SLC47A1: variants seen among roughly 807,000 people sequenced by gnomAD.
SLC47A1 encodes multidrug and toxin extrusion protein 1.
In SLC47A1, 58 loss-of-function variants were observed where a neutral mutation model predicts 65.8. That is an observed-to-expected ratio of 0.88 (90% CI 0.71 to 1.10). SLC47A1 has a LOEUF of 1.10. Ranked by LOEUF, SLC47A1 falls within the 50% of genes least tolerant of loss-of-function variation. The probability of loss-of-function intolerance (pLI) is 0.00; values close to 1 mark genes in which losing one functional copy is unlikely to be tolerated. For synonymous variants in SLC47A1, 285 were observed against 295.0 expected, an observed-to-expected ratio of 0.97 and a Z score of 0.35; for missense variants, 706 against 719.2, an observed-to-expected ratio of 0.98 and a Z score of 0.21.
In SLC47A1 at chr17:19,567,234, C is replaced by T. The variant is rs1281059703; in HGVS notation, c.1309+6C>T. On this transcript the variant is annotated splice_donor_region_variant and intron_variant, in intron 14 of 16. Coordinates refer to ENST00000270570, the MANE Select transcript of SLC47A1 (RefSeq NM_018242.3). The stretch of plus-strand genomic sequence containing the variant: ...AACCACACTTGGAGTGATGGGTAAG[C>T]TCTAACCTCTGCAGGCAGGGCTTAG... 1 of 1,614,178 alleles carries T rather than the reference C, an allele frequency of 6.2e-7. No homozygotes were observed. The highest frequency in any genetic ancestry group is 1.7e-5 in the Admixed American group (1 of 60,024).
chr17:19,566,769 C>T (rs377683989), intron 12 of SLC47A1, 21 bp from the exon 13 acceptor site: 68 of 1,612,314 alleles, frequency 4.2e-5, no homozygotes, highest in Middle Eastern at 3.3e-4. Flanking sequence ...CTAATCACCA[C>T]GTGCTTTATT....
intron 1 of SLC47A1, among the ~76,000 whole-genome samples, chr17:19,540,031 G>A (rs999548711): frequency 2.6e-5 from 4 of 152,078 alleles, no homozygotes; most frequent in African/African-American, 9.7e-5. Flanking sequence ...GCAGAGCTGC[G>A]GCAGCTCTCA....
chr17:19,574,712 A>G (rs2084425313), intron 16 of SLC47A1, among the ~76,000 whole-genome samples: 1 of 150,238 alleles, frequency 6.7e-6, no homozygotes, highest in African/African-American at 2.4e-5. Flanking sequence ...TGCAACCTCT[A>G]TCTCCCAGGT....
rs763533798 is a variant in SLC47A1, at chr17:19,577,481, G to A, written c.1641G>A (p.Gly547=). The change falls in exon 17 of 17, where the codon GGG becomes GGA. Residue 547 remains glycine, a synonymous_variant. Coordinates refer to ENST00000270570, the MANE Select transcript of SLC47A1 (RefSeq NM_018242.3). ...GGAAACAGCTGGTGCTGCGGCGAGGGCTTCTGCTCCTGGGGGTCTTCTTAA... is the reference window on the plus strand; with the variant it reads ...GGAAACAGCTGGTGCTGCGGCGAGGACTTCTGCTCCTGGGGGTCTTCTTAA... ...LSRKQLVLRR[G]LLLLGVFLIL... is the part of the protein sequence containing the mutation. 1.2e-6 allele frequency: 2 copies of A among 1,614,134 alleles called. No homozygotes were observed. The highest frequency in any genetic ancestry group is 2.2e-5 in the South Asian group (2 of 91,090).
In SLC47A1 at chr17:19,577,611, G is replaced by A; in HGVS notation, c.*58G>A. On this transcript the variant is annotated 3_prime_UTR_variant, in exon 17 of 17. Coordinates refer to ENST00000270570, the MANE Select transcript of SLC47A1 (RefSeq NM_018242.3). ...CTTTTGAGCTTACACACAATTCACA[G>A]GCCCACCAGTGACAATTTACTGTGA... is the stretch of plus-strand genomic sequence containing the variant. 1.2e-6 allele frequency: 2 copies of A among 1,601,834 alleles called. No homozygotes were observed. Among genetic ancestry groups the A allele is most frequent in the African/African-American group, 1.3e-5 (1 of 74,666 alleles).
In SLC47A1 at chr17:19,555,777, G is replaced by C. The variant is rs368040325; in HGVS notation, c.740-19G>C. ...CCCGATGGCCAGATCTCCTGGAAAT[G>C]TGTGTGTCCCCCCCACAGGCTGGTC... is the stretch of plus-strand genomic sequence containing the variant. On this transcript the variant is annotated intron_variant, in intron 8 of 16. Transcript: ENST00000270570. 6.2e-7 allele frequency: 1 copy of C among 1,613,370 alleles called. No homozygotes were observed. The highest frequency in any genetic ancestry group is 1.1e-5 in the South Asian group (1 of 91,078).
At chr17:19,561,140 C>T (rs758879101) in intron 12 of SLC47A1, among the ~76,000 whole-genome samples, 1 of 151,790 alleles carries the variant, frequency 6.6e-6, no homozygotes, top group Non-Finnish European at 1.5e-5. Context: ...CGCCTGTAAT[C>T]CCAGCTACTC....
intron 3 of SLC47A1, among the ~76,000 whole-genome samples, chr17:19,547,347 C>CTTTT (rs34710264): frequency 1.7e-5 from 2 of 115,066 alleles, no homozygotes; most frequent in African/African-American, 3.3e-5. Context: ...CCCAGCCTGG[C>CTTTT]TTTTTTTTTT....
chr17:19,557,659 G>A (rs1054715), intron 10 of SLC47A1: 106,013 of 515,780 alleles, frequency 0.21, 11,639 homozygotes, highest in East Asian at 0.43. Context: ...TCAGTTACCC[G>A]TAGATGTAGT....
In SLC47A1 at chr17:19,533,888, C is replaced by T; in HGVS notation, c.-52C>T. The T allele has an allele frequency of 3.5e-6, 5 of 1,430,600 alleles. No homozygotes were observed. Among genetic ancestry groups the T allele is most frequent in the Non-Finnish European group, 3.6e-6 (4 of 1,097,296 alleles). The allele number at this position is 1,430,600 out of a possible 1,614,324, so 88.6% of individuals were successfully genotyped here. A position where few individuals can be genotyped will look rare whatever the true frequency, so the allele number is the denominator to read the frequency against. On this transcript the variant is annotated 5_prime_UTR_variant, in exon 1 of 17. Coordinates refer to ENST00000270570, the MANE Select transcript of SLC47A1 (RefSeq NM_018242.3). The stretch of plus-strand genomic sequence containing the variant: ...CTGCGCGGTACTCACTGCCGGCCTC[C>T]GCGGTACCCACTGCCGGCCTCCGCG...
intron 16 of SLC47A1, among the ~76,000 whole-genome samples, chr17:19,575,166 G>GC (rs2047113728): frequency 6.7e-6 from 1 of 148,718 alleles, no homozygotes; most frequent in Non-Finnish European, 1.5e-5. Flanking sequence ...GACCTCCTGG[G>GC]CTCAAGCAAC....
intron 1 of SLC47A1, among the ~76,000 whole-genome samples, chr17:19,536,391 A>G (rs781290235): frequency 6.6e-5 from 10 of 152,098 alleles, no homozygotes; most frequent in Non-Finnish European, 1.3e-4. Flanking sequence ...TGGGGACCTC[A>G]CCTTTTCTCT....
At chr17:19,548,233 G>A (rs1345769750) in intron 4 of SLC47A1, 100 bp downstream of exon 4, 2 of 1,446,176 alleles carry the variant, frequency 1.4e-6, no homozygotes, top group East Asian at 2.3e-5. Flanking sequence ...GCACACCAAG[G>A]TGGTGCTCAT....
At chr17:19,545,354 T>C (rs143246479) in intron 2 of SLC47A1, among the ~76,000 whole-genome samples, 9,543 of 151,992 alleles carry the variant, frequency 0.063, 772 homozygotes, top group African/African-American at 0.18. Context: ...GCCACTATGC[T>C]GGGCTAATTT....
chr17:19,566,286 AG>A (rs1322113479), intron 12 of SLC47A1, among the ~76,000 whole-genome samples: 8 of 152,196 alleles, frequency 5.3e-5, no homozygotes, highest in Non-Finnish European at 8.8e-5. Context: ...CTTGAAGACA[AG>A]GGTGTGGTGC....
chr17:19,554,037 C>T (rs925732110), intron 6 of SLC47A1, among the ~76,000 whole-genome samples: 8 of 152,290 alleles, frequency 5.3e-5, no homozygotes, highest in African/African-American at 1.9e-4. Flanking sequence ...CAGCCTGAGA[C>T]CACCAGAGAC....
rs780418845 is a variant in SLC47A1 at position 19,555,673 on chromosome 17, A to G, written c.722A>G (p.His241Arg). 2.5e-6 allele frequency: 4 copies of G among 1,614,200 alleles called. No homozygotes were observed. The highest frequency in any genetic ancestry group is 2.2e-5 in the South Asian group (2 of 91,080). ...CTCTACATCCTCGGGAAAAAACTGC[A>G]TCAAGCTACATGGGGAGGTAATGAC... ...LFLYILGKKL[H>R]QATWGGWSLE... Residue 241 changes from histidine (H) to arginine (R), a missense_variant, in exon 8 of 17, where the codon CAT becomes CGT. His to Arg is a conservative substitution (Grantham distance 29). Coordinates refer to ENST00000270570, the MANE Select transcript of SLC47A1 (RefSeq NM_018242.3).
At chr17:19,537,832 C>T (rs1252976405) in intron 1 of SLC47A1, among the ~76,000 whole-genome samples, 2 of 152,200 alleles carry the variant, frequency 1.3e-5, no homozygotes, top group East Asian at 1.9e-4. Flanking sequence ...ACACCCTCCA[C>T]CCAGCCTCCT....
At position 19,560,070 on chromosome 17, in the gene SLC47A1, T is replaced by C. The variant is rs16960206; in HGVS notation, c.922-118T>C. Reference sequence around the variant, plus strand: ...CAAAGGGGATGTTGCAAATCAGTCTTTTCAAAACTTTTAGGACCAAGTTTT... The same window carrying C: ...CAAAGGGGATGTTGCAAATCAGTCTCTTCAAAACTTTTAGGACCAAGTTTT... On this transcript the variant is annotated intron_variant, in intron 10 of 16. Coordinates refer to ENST00000270570, the MANE Select transcript of SLC47A1 (RefSeq NM_018242.3). 5,729 of 695,530 alleles carry C rather than the reference T, an allele frequency of 8.2e-3. 230 individuals are homozygous for C. The highest frequency in any genetic ancestry group is 0.078 in the East Asian group (2,882 of 36,900). The allele number at this position is 695,530 out of a possible 1,614,324, so 43.1% of individuals were successfully genotyped here.
Sources: gnomAD v4.1 joint callset for allele counts (sites outside exome capture counted in the v4.1 genomes callset) on GRCh38, gnomAD v4.1.1 for gene constraint, MANE v1.5 for transcripts, NCBI Gene and HGNC (gene_info 2026-07-23, HGNC 2026-07-21) for gene names.